The following SLC25A13 variants were observed in gnomAD, a reference collection of about 807,000 sequenced individuals.
The protein encoded by SLC25A13 is electrogenic aspartate/glutamate antiporter SLC25A13, mitochondrial.
In SLC25A13, 70 loss-of-function variants were observed where a neutral mutation model predicts 85.5. The ratio of observed to expected loss-of-function variants is 0.82; its 90% CI spans 0.68 to 1.00. The LOEUF is 1.00. SLC25A13 is among the 50% of genes least tolerant of loss of function. The probability of loss-of-function intolerance (pLI) is 0.00; values close to 1 mark genes in which losing one functional copy is unlikely to be tolerated. For missense variants in SLC25A13, 765 were observed against 819.8 expected (o/e 0.93, Z 0.82); for synonymous variants, 259 against 288.7 (o/e 0.90, Z 1.04).
chr7:96,171,484 G>A lies in SLC25A13; in HGVS notation c.1218C>T (p.Ala406=). 6.2e-7 allele frequency: 1 copy of A among 1,613,216 alleles called. No homozygotes were observed. Among genetic ancestry groups the A allele is most frequent in the South Asian group, 1.1e-5 (1 of 91,030 alleles). ...TCAAAAGACTTACTGTAAGTTTTAT[G>A]GCCTTCTCTGGGGCAACTCCCAATA... ...PQLLGVAPEK[A]IKLTVNDFVR... Residue 406 remains alanine (A), a synonymous_variant, in exon 12 of 18, where the codon GCC becomes GCT. Transcript: ENST00000265631.
chr7:96,136,391 C>A (rs1244499159), intron 14 of SLC25A13, among the ~76,000 whole-genome samples: 1 of 152,196 alleles, frequency 6.6e-6, no homozygotes, highest in Non-Finnish European at 1.5e-5. Flanking sequence ...AATCAATTCT[C>A]AAGTTGCTAG....
intron 4 of SLC25A13, among the ~76,000 whole-genome samples, chr7:96,232,550 T>C (rs527921939): frequency 6.0e-5 from 9 of 150,660 alleles, no homozygotes; most frequent in African/African-American, 2.0e-4. Flanking sequence ...GTGACACAAA[T>C]TTACCTATAT....
intron 14 of SLC25A13, among the ~76,000 whole-genome samples, chr7:96,137,634 T>G (rs1309417513): frequency 1.3e-5 from 2 of 152,120 alleles, no homozygotes; most frequent in Admixed American, 1.3e-4. Context: ...GTTCCACCTT[T>G]TCTTTATTTC....
At chr7:96,259,497 C>A (rs1797763374) in intron 3 of SLC25A13, among the ~76,000 whole-genome samples, 1 of 152,120 alleles carries the variant, frequency 6.6e-6, no homozygotes, top group South Asian at 2.1e-4. Flanking sequence ...GAAATCAACA[C>A]CACAGTGAGA....
intron 3 of SLC25A13, among the ~76,000 whole-genome samples, chr7:96,262,585 G>T (rs1797897088): frequency 6.6e-6 from 1 of 152,100 alleles, no homozygotes; most frequent in Non-Finnish European, 1.5e-5. Flanking sequence ...GGGTGACGAA[G>T]AGCCTCTCAT....
At chr7:96,302,567 G>A (rs978331255) in intron 1 of SLC25A13, among the ~76,000 whole-genome samples, 4 of 152,188 alleles carry the variant, frequency 2.6e-5, no homozygotes, top group African/African-American at 9.7e-5. Context: ...CTCTTTCACT[G>A]GGAGGCTGTA....
intron 11 of SLC25A13, among the ~76,000 whole-genome samples, chr7:96,183,898 T>C (rs967028709): frequency 4.6e-5 from 7 of 152,214 alleles, no homozygotes; most frequent in African/African-American, 1.7e-4. Context: ...TTGTGGTGTA[T>C]TCCAGGAAAA....
chr7:96,297,101 C>A, intron 1 of SLC25A13, 150 bp from the exon 2 acceptor site: 1 of 706,874 alleles, frequency 1.4e-6, no homozygotes, highest in African/African-American at 1.8e-5. Flanking sequence ...AAACTATGCC[C>A]CCTTCCCATT....
At chr7:96,279,943 G>C (rs1270692084) in intron 2 of SLC25A13, among the ~76,000 whole-genome samples, 1 of 152,128 alleles carries the variant, frequency 6.6e-6, no homozygotes, top group African/African-American at 2.4e-5. Context: ...ATGGTCACCA[G>C]GGAAAGGCGT....
chr7:96,160,642 C>T (rs1316628096), intron 13 of SLC25A13, among the ~76,000 whole-genome samples: 1 of 152,168 alleles, frequency 6.6e-6, no homozygotes, highest in Non-Finnish European at 1.5e-5. Context: ...GTAGGCTCCA[C>T]CCTCATGACC....
At chr7:96,221,596 C>A (rs905765425) in intron 4 of SLC25A13, among the ~76,000 whole-genome samples, 1 of 152,290 alleles carries the variant, frequency 6.6e-6, no homozygotes, top group African/African-American at 2.4e-5. Flanking sequence ...TCCTTTCCAG[C>A]AAGCTTAAAA....
At chr7:96,204,923 T>A (rs908747436) in intron 5 of SLC25A13, among the ~76,000 whole-genome samples, 3 of 152,332 alleles carry the variant, frequency 2.0e-5, no homozygotes, top group Admixed American at 6.5e-5. Flanking sequence ...TTATTTATTT[T>A]TTTGAGACAG....
chr7:96,204,802 T>C (rs573065135), intron 5 of SLC25A13, among the ~76,000 whole-genome samples: 3 of 152,334 alleles, frequency 2.0e-5, no homozygotes, highest in African/African-American at 7.2e-5. Context: ...CAAAATCCTA[T>C]TGACAAACCC....
chr7:96,255,356 T>C (rs1013011188), intron 3 of SLC25A13, among the ~76,000 whole-genome samples: 1 of 152,220 alleles, frequency 6.6e-6, no homozygotes, highest in African/African-American at 2.4e-5. Flanking sequence ...ACATTTGAAA[T>C]ATCAGCATGA....
At chr7:96,230,840 G>A (rs1239054415) in intron 4 of SLC25A13, among the ~76,000 whole-genome samples, 5 of 152,174 alleles carry the variant, frequency 3.3e-5, no homozygotes, top group African/African-American at 4.8e-5. Context: ...CAGACATGAC[G>A]GTTCACACCT....
chr7:96,321,866 C>T (rs1800359615), intron 1 of SLC25A13, 76 bp downstream of exon 1: 3 of 1,466,216 alleles, frequency 2.0e-6, no homozygotes, highest in African/African-American at 2.9e-5. Context: ...AACCCAGACA[C>T]GTGAGCGCCC....
At chr7:96,209,186 A>AG (rs1284027251) in intron 4 of SLC25A13, among the ~76,000 whole-genome samples, 6 of 152,116 alleles carry the variant, frequency 3.9e-5, no homozygotes, top group South Asian at 2.1e-4. Context: ...AATAAAATAA[A>AG]GGGGGGGAAA....
At chr7:96,317,435 G>C (rs1029601680) in intron 1 of SLC25A13, among the ~76,000 whole-genome samples, 1 of 151,918 alleles carries the variant, frequency 6.6e-6, no homozygotes, top group Non-Finnish European at 1.5e-5. Flanking sequence ...AACACATTTG[G>C]AACTGAATTT....
At chr7:96,159,219 T>C (rs954353331) in intron 13 of SLC25A13, among the ~76,000 whole-genome samples, 5 of 152,186 alleles carry the variant, frequency 3.3e-5, no homozygotes, top group African/African-American at 1.2e-4. Flanking sequence ...ATCAGAAACC[T>C]GAGTCCTCAC....
Sources: allele counts gnomAD v4.1 joint callset (sites outside exome capture counted in the v4.1 genomes callset), GRCh38; gene constraint gnomAD v4.1.1; transcripts MANE v1.5; gene names NCBI Gene and HGNC (gene_info 2026-07-23, HGNC 2026-07-21).